Variants in TUSC3 observed in about 807,000 individuals in gnomAD.
The protein encoded by TUSC3 is dolichyl-diphosphooligosaccharide--protein glycosyltransferase subunit TUSC3.
A neutral mutation model predicts 44.8 loss-of-function variants in TUSC3; 45 were observed. The observed-to-expected ratio is 1.00, with a 90% CI of 0.79 to 1.29. TUSC3 has a LOEUF of 1.29. Ranked by LOEUF, TUSC3 falls within the 50% of genes most tolerant of loss-of-function variation. The pLI, the probability that TUSC3 is intolerant of heterozygous loss-of-function variation, is 0.00. For missense variants in TUSC3, 519 were observed against 437.9 expected, an observed-to-expected ratio of 1.19 and a Z score of -1.65; for synonymous variants, 212 against 152.9, an observed-to-expected ratio of 1.39 and a Z score of -2.85.
chr8:15,466,075 A>G (rs1355966317), intron 1 of TUSC3, among the ~76,000 whole-genome samples: 4 of 152,292 alleles, frequency 2.6e-5, no homozygotes, highest in African/African-American at 9.6e-5. Flanking sequence ...CCTGGGAACA[A>G]TGCTTTATGT....
chr8:15,586,250 A>G (rs778943735), intron 1 of TUSC3, among the ~76,000 whole-genome samples: 2 of 152,190 alleles, frequency 1.3e-5, no homozygotes, highest in African/African-American at 2.4e-5. Flanking sequence ...AAGTGAATTC[A>G]AGGTGAAAAC....
At chr8:15,847,456 G>A in the TUSC3 span, among the ~76,000 whole-genome samples, 1 of 152,080 alleles carries the variant, frequency 6.6e-6, no homozygotes, top group African/African-American at 2.4e-5. Context: ...GCTGTCTCCT[G>A]TTGCCTCTTC....
At chr8:15,482,017 A>G (rs1445573303) in intron 1 of TUSC3, among the ~76,000 whole-genome samples, 1 of 152,204 alleles carries the variant, frequency 6.6e-6, no homozygotes, top group Non-Finnish European at 1.5e-5. Context: ...CTTCTTTATT[A>G]ACTAAGTTTA....
chr8:15,622,054 C>G (rs1338643766), intron 1 of TUSC3, among the ~76,000 whole-genome samples: 1 of 152,130 alleles, frequency 6.6e-6, no homozygotes, highest in African/African-American at 2.4e-5. Context: ...CTGTGAGCCA[C>G]TTTTCCTTTT....
chr8:15,564,778 T>C (rs1490496196), intron 1 of TUSC3, among the ~76,000 whole-genome samples: 2 of 152,112 alleles, frequency 1.3e-5, no homozygotes, highest in Admixed American at 6.5e-5. Context: ...CCATCAAGAT[T>C]TCCCCACGCT....
the TUSC3 span, chr8:15,807,241 C>T: frequency 1.5e-6 from 1 of 649,384 alleles, no homozygotes; most frequent in Non-Finnish European, 2.8e-6. Context: ...CACCCCCAGG[C>T]ATTATGCTCT....
chr8:15,771,081 G>A (rs1812433109), downstream of TUSC3, among the ~76,000 whole-genome samples: 1 of 152,106 alleles, frequency 6.6e-6, no homozygotes, highest in Admixed American at 6.5e-5. Context: ...CTCATTAGAG[G>A]CCATTAAGGC....
At chr8:15,445,567 G>C (rs572939784) in intron 1 of TUSC3, among the ~76,000 whole-genome samples, 2 of 152,272 alleles carry the variant, frequency 1.3e-5, no homozygotes, top group East Asian at 3.9e-4. Flanking sequence ...AGCACATCTT[G>C]CACCGCCCTT....
At chr8:15,682,380 GTCTTCTGGA>G (rs1808462848) in intron 6 of TUSC3, among the ~76,000 whole-genome samples, 1 of 152,090 alleles carries the variant, frequency 6.6e-6, no homozygotes, top group Non-Finnish European at 1.5e-5. Flanking sequence ...AGATACTTAA[GTCTTCTGGA>G]TGAATCGAAC....
At chr8:15,507,471 G>A (rs967667919) in intron 2 of TUSC3, among the ~76,000 whole-genome samples, 8 of 152,108 alleles carry the variant, frequency 5.3e-5, no homozygotes, top group African/African-American at 1.9e-4. Context: ...AAAATACATG[G>A]AAAAGCATCT....
In TUSC3 at chr8:15,764,798, G is replaced by A. The variant is rs1265433821; in HGVS notation, c.*642G>A. 6.6e-6 allele frequency: 1 copy of A among 152,428 alleles called. No homozygotes were observed. Among genetic ancestry groups the A allele is most frequent in the East Asian group, 1.9e-4 (1 of 5,194 alleles). 9.4% of individuals were successfully genotyped at this position (152,428 alleles called of 1,614,324 possible). On this transcript the variant is annotated 3_prime_UTR_variant, in exon 11 of 11. Transcript: ENST00000503731. The stretch of plus-strand genomic sequence containing the variant: ...CTTGAGATCTAAATCTAAAGTAAAT[G>A]TGCATTAAAGCAGTGTGCTTCAAAG...
At chr8:15,705,863 G>A (rs1809594944) in intron 6 of TUSC3, among the ~76,000 whole-genome samples, 1 of 151,980 alleles carries the variant, frequency 6.6e-6, no homozygotes, top group African/African-American at 2.4e-5. Context: ...CATATTATCA[G>A]ATAAAACTGT....
the TUSC3 span, among the ~76,000 whole-genome samples, chr8:15,774,242 C>G: frequency 8.1e-6 from 1 of 123,368 alleles, no homozygotes; most frequent in Admixed American, 7.3e-5. Flanking sequence ...TTTGTCTCCT[C>G]AAAAAAGATA....
intron 6 of TUSC3, among the ~76,000 whole-genome samples, chr8:15,709,490 G>A (rs184292788): frequency 6.6e-6 from 1 of 151,724 alleles, no homozygotes; most frequent in East Asian, 1.9e-4. Flanking sequence ...CTTCATTTTT[G>A]CTCCTCTGAC....
chr8:15,489,348 G>A (rs906662604), intron 2 of TUSC3, among the ~76,000 whole-genome samples: 5 of 152,246 alleles, frequency 3.3e-5, no homozygotes, highest in Admixed American at 3.3e-4. Flanking sequence ...AAGGGGTTGT[G>A]GAAACCAAGG....
intron 2 of TUSC3, among the ~76,000 whole-genome samples, chr8:15,497,205 C>G (rs1405177848): frequency 1.3e-5 from 2 of 152,166 alleles, no homozygotes; most frequent in African/African-American, 4.8e-5. Flanking sequence ...TGAGCAGGGA[C>G]TTGGTAGATA....
intron 1 of TUSC3, among the ~76,000 whole-genome samples, chr8:15,564,828 A>G (rs1431377966): frequency 6.6e-6 from 1 of 152,018 alleles, no homozygotes; most frequent in Non-Finnish European, 1.5e-5. Context: ...CTAAGGACTC[A>G]TCTTGTTTGC....
At chr8:15,652,166 G>A (rs894297452) in intron 3 of TUSC3, among the ~76,000 whole-genome samples, 1 of 152,170 alleles carries the variant, frequency 6.6e-6, no homozygotes, top group Non-Finnish European at 1.5e-5. Context: ...ACTTAGTGCA[G>A]TTCCGGGGTT....
At chr8:15,453,366 A>G (rs1353592107) in intron 1 of TUSC3, among the ~76,000 whole-genome samples, 2 of 152,324 alleles carry the variant, frequency 1.3e-5, no homozygotes, top group Middle Eastern at 3.4e-3. Context: ...CATTTACTGT[A>G]GATGGCATTG....
Sources: allele counts gnomAD v4.1 joint callset (sites outside exome capture counted in the v4.1 genomes callset), GRCh38; gene constraint gnomAD v4.1.1; transcripts MANE v1.5; gene names NCBI Gene and HGNC (gene_info 2026-07-23, HGNC 2026-07-21).